Variants in DNAH5 observed in about 807,000 individuals in gnomAD.
DNAH5 encodes the protein axonemal beta dynein heavy chain 5.
In DNAH5, 372 loss-of-function variants were observed where a neutral mutation model predicts 518.2. The ratio of observed to expected loss-of-function variants is 0.72; its 90% CI spans 0.66 to 0.78. DNAH5 has a LOEUF of 0.78. Ranked by LOEUF, DNAH5 falls within the 30% of genes least tolerant of loss-of-function variation. DNAH5 has a pLI of 0.00. For missense variants in DNAH5, 5,523 were observed against 5,687.0 expected, an observed-to-expected ratio of 0.97 and a Z score of 0.93; for synonymous variants, 2,039 against 2,025.9, an observed-to-expected ratio of 1.01 and a Z score of -0.17.
At chr5:13,966,854 GT>G (rs1561017994) in intron 1 of DNAH5, among the ~76,000 whole-genome samples, 2 of 151,942 alleles carry the variant, frequency 1.3e-5, no homozygotes, top group African/African-American at 2.4e-5. Context: ...ATTGTTTTTT[GT>G]TTTTTGCTTT....
intron 5 of DNAH5, among the ~76,000 whole-genome samples, chr5:13,921,727 A>C (rs1580900154): frequency 4.8e-5 from 6 of 125,018 alleles, no homozygotes; most frequent in East Asian, 2.5e-4. Context: ...ATCTCTTCCC[A>C]CCTCCATCTG....
At chr5:13,829,449 C>T in intron 38 of DNAH5, 61 bp downstream of exon 38, 1 of 1,558,440 alleles carries the variant, frequency 6.4e-7, no homozygotes, top group East Asian at 2.2e-5. Context: ...AAAATGAGAA[C>T]ATTCTGCTGA....
intron 74 of DNAH5, among the ~76,000 whole-genome samples, chr5:13,715,226 C>A (rs946323203): frequency 6.6e-6 from 1 of 152,182 alleles, no homozygotes. Flanking sequence ...AGAAAATTTA[C>A]GGACAATTTG....
At chr5:13,717,639 T>C (rs1022306164) in intron 72 of DNAH5, 119 bp from the exon 73 acceptor site, 2 of 878,752 alleles carry the variant, frequency 2.3e-6, no homozygotes, top group Admixed American at 2.0e-5. Flanking sequence ...CTTTGGATTG[T>C]TTTTATGACA....
chr5:13,950,869 C>A (rs1027656493), intron 1 of DNAH5, among the ~76,000 whole-genome samples: 1 of 152,100 alleles, frequency 6.6e-6, no homozygotes, highest in Admixed American at 6.6e-5. Context: ...AAAAAAACTT[C>A]TTTATTAGAA....
At chr5:13,863,128 T>C (rs1400436746) in intron 28 of DNAH5, among the ~76,000 whole-genome samples, 1 of 152,204 alleles carries the variant, frequency 6.6e-6, no homozygotes, top group Non-Finnish European at 1.5e-5. Context: ...AGCATGTGAA[T>C]GAACACAGGT....
At chr5:13,999,738 T>C (rs1320613026) in intron 1 of DNAH5, among the ~76,000 whole-genome samples, 2 of 152,154 alleles carry the variant, frequency 1.3e-5, no homozygotes, top group Non-Finnish European at 2.9e-5. Context: ...CATCTGGTAG[T>C]GGTATTTGTT....
Position 13,802,399 on chromosome 5 carries a change from A to C in DNAH5, c.7887+5192T>G, listed in dbSNP as rs115771992. ...AATTCAATTACTGAATTAATTTCTCAATAGACAACTCAGCTTTTATAATTC... is the reference window on the plus strand; with the variant it reads ...AATTCAATTACTGAATTAATTTCTCCATAGACAACTCAGCTTTTATAATTC... On this transcript the variant is annotated intron_variant, in intron 47 of 78. Coordinates refer to ENST00000265104, the MANE Select transcript of DNAH5 (RefSeq NM_001369.3). 8.3e-3 allele frequency among the ~76,000 whole-genome samples: 1,268 copies of C among 152,326 alleles called. 19 individuals are homozygous for C. Among genetic ancestry groups the C allele is most frequent in the African/African-American group, 0.029 (1,212 of 41,566 alleles).
intron 1 of DNAH5, among the ~76,000 whole-genome samples, chr5:14,002,073 A>G (rs12521649): frequency 0.3 from 44,996 of 151,424 alleles, 7,147 homozygotes; most frequent in East Asian, 0.61. Context: ...TAATTTTTGT[A>G]TTTTTAGTAG....
At chr5:13,876,478 G>A (rs746209765) in intron 22 of DNAH5, among the ~76,000 whole-genome samples, 20 of 152,168 alleles carry the variant, frequency 1.3e-4, no homozygotes, top group Non-Finnish European at 2.5e-4. Context: ...AACACAATAT[G>A]AGAGTAGGAA....
At chr5:13,804,756 G>T (rs1357749469) in intron 47 of DNAH5, among the ~76,000 whole-genome samples, 1 of 152,130 alleles carries the variant, frequency 6.6e-6, no homozygotes. Flanking sequence ...GGAGCCTAAG[G>T]AATACTTCAC....
Position 13,900,325 on chromosome 5 carries a change from T to C in DNAH5, c.2140A>G (p.Ile714Val), listed in dbSNP as rs1238410800. The change falls in exon 15 of 79, where the codon ATA becomes GTA. Residue 714 changes from isoleucine (I) to valine (V), a missense_variant. Ile to Val is a conservative substitution (Grantham distance 29, BLOSUM62 3). Coordinates refer to ENST00000265104, the MANE Select transcript of DNAH5 (RefSeq NM_001369.3). ...GELFVNFDPQILILFRETECM... is the reference protein window; with the variant it reads ...GELFVNFDPQVLILFRETECM... ...TCTGTTTCTCTAAATAAGATTAATA[T>C]CTGAGGGTCAAAGTTTACAAACAAT... The C allele has an allele frequency of 6.2e-7, 1 of 1,614,124 alleles. No individual in the cohort carries two copies. Among genetic ancestry groups the C allele is most frequent in the East Asian group, 2.2e-5 (1 of 44,888 alleles).
intron 44 of DNAH5, among the ~76,000 whole-genome samples, chr5:13,810,963 T>C (rs989545936): frequency 6.6e-6 from 1 of 152,050 alleles, no homozygotes; most frequent in African/African-American, 2.4e-5. Flanking sequence ...TTATGTTAAG[T>C]GAAATAAGCC....
chr5:13,868,093 G>C, intron 24 of DNAH5, 101 bp from the exon 25 acceptor site: 1 of 926,624 alleles, frequency 1.1e-6, no homozygotes, highest in Non-Finnish European at 1.7e-6. Context: ...CAGAATAATA[G>C]TGAAACTACC....
intron 65 of DNAH5, 149 bp downstream of exon 65, chr5:13,750,929 A>C: frequency 1.1e-6 from 1 of 899,678 alleles, no homozygotes; most frequent in Non-Finnish European, 1.7e-6. Context: ...CTTTAGGAAA[A>C]AAAGAAAACA....
At chr5:13,928,229 T>C (rs1305639581) in intron 2 of DNAH5, 51 bp from the exon 3 acceptor site, 1 of 1,376,184 alleles carries the variant, frequency 7.3e-7, no homozygotes, top group East Asian at 2.3e-5. Flanking sequence ...AATTAGAAAC[T>C]GCAATTAAAT....
intron 52 of DNAH5, among the ~76,000 whole-genome samples, chr5:13,784,680 G>A (rs940441148): frequency 7.2e-5 from 11 of 152,140 alleles, no homozygotes; most frequent in African/African-American, 7.2e-5. Context: ...GGTTCCTCAC[G>A]GTGGAACCTA....
At chr5:13,790,489 C>CAT (rs1047572823) in intron 50 of DNAH5, among the ~76,000 whole-genome samples, 2 of 152,188 alleles carry the variant, frequency 1.3e-5, no homozygotes, top group African/African-American at 4.8e-5. Flanking sequence ...ACCCAAATCT[C>CAT]ATCTGGAATT....
At chr5:13,743,117 C>T (rs1748836886) in intron 65 of DNAH5, among the ~76,000 whole-genome samples, 1 of 151,906 alleles carries the variant, frequency 6.6e-6, no homozygotes, top group African/African-American at 2.4e-5. Flanking sequence ...CAAAATTAAT[C>T]ACAATAATTT....
Sources: allele counts gnomAD v4.1 joint callset (sites outside exome capture counted in the v4.1 genomes callset), GRCh38; gene constraint gnomAD v4.1.1; transcripts MANE v1.5; gene names NCBI Gene and HGNC (gene_info 2026-07-23, HGNC 2026-07-21).